CAMK2G: variants seen among roughly 807,000 people sequenced by gnomAD.
CAMK2G encodes the protein calcium/calmodulin dependent protein kinase II gamma, also known as calcium/calmodulin-dependent protein kinase type II subunit gamma.
A neutral mutation model predicts 88.7 loss-of-function variants in CAMK2G; 23 were observed. The observed-to-expected ratio is 0.26, with a 90% CI of 0.19 to 0.37. The LOEUF is 0.37. CAMK2G is among the 10% of genes least tolerant of loss of function. CAMK2G has a pLI of 1.00. For missense variants in CAMK2G, 476 were observed against 780.8 expected (o/e 0.61, Z 4.65); for synonymous variants, 263 against 294.8 (o/e 0.89, Z 1.11).
intron 3 of CAMK2G, among the ~76,000 whole-genome samples, chr10:73,859,587 T>C (rs1274214110): frequency 6.6e-6 from 1 of 152,162 alleles, no homozygotes; most frequent in Non-Finnish European, 1.5e-5. Flanking sequence ...ACCTAGGAGC[T>C]CCAGTAGTTC....
chr10:73,863,344 C>T (rs138378574), intron 2 of CAMK2G, among the ~76,000 whole-genome samples: 241 of 152,320 alleles, frequency 1.6e-3, no homozygotes, highest in Middle Eastern at 0.014. Context: ...GGGATGTGGC[C>T]AGTGACCTCC....
chr10:73,872,664 C>T (rs1454270317), intron 2 of CAMK2G, among the ~76,000 whole-genome samples: 4 of 152,170 alleles, frequency 2.6e-5, no homozygotes, highest in Non-Finnish European at 4.4e-5. Context: ...GGAGAGGCTC[C>T]AAATGCCCCA....
chr10:73,860,417 C>G (rs917527860), intron 3 of CAMK2G, among the ~76,000 whole-genome samples: 4 of 152,078 alleles, frequency 2.6e-5, no homozygotes, highest in Non-Finnish European at 5.9e-5. Context: ...TGCAGGACAC[C>G]GCAGCAGGAA....
At chr10:73,820,973 C>G (rs1269894612) in intron 18 of CAMK2G, among the ~76,000 whole-genome samples, 1 of 151,662 alleles carries the variant, frequency 6.6e-6, no homozygotes, top group South Asian at 2.1e-4. Context: ...CTACGCCCGG[C>G]CTTTTTTTGT....
chr10:73,822,519 T>C (rs2089309496), intron 17 of CAMK2G, among the ~76,000 whole-genome samples: 1 of 152,184 alleles, frequency 6.6e-6, no homozygotes, highest in Non-Finnish European at 1.5e-5. Context: ...AAGTGTCAAC[T>C]AGATTCTGTT....
chr10:73,830,994 C>G (rs1454620450), intron 14 of CAMK2G, among the ~76,000 whole-genome samples: 1 of 152,156 alleles, frequency 6.6e-6, no homozygotes, highest in Non-Finnish European at 1.5e-5. Flanking sequence ...ACCATCTGAG[C>G]TACTTCACAG....
chr10:73,828,158 AAG>A, intron 14 of CAMK2G, 37 bp from the exon 15 acceptor site: 1 of 1,570,764 alleles, frequency 6.4e-7, no homozygotes, highest in South Asian at 1.1e-5. Flanking sequence ...GAGAAGGGGA[AAG>A]AGGAGGTAAG....
Position 73,826,189 on chromosome 10 carries a change from T to C in CAMK2G, c.1087-842A>G, listed in dbSNP as rs1463365303. On this transcript the variant is annotated intron_variant, in intron 15 of 22. Transcript: ENST00000423381. ...GGCTCACACCTGTAATCTCAGCACT[T>C]TGGGAGGCCAAGGCGGGTGGATCAC... Among the ~76,000 whole-genome samples the C allele has an allele frequency of 2.6e-5, 4 of 152,226 alleles. No homozygotes were observed. In the East Asian group the frequency reaches 7.7e-4, roughly 29 times the overall value.
chr10:73,820,921 C>G (rs966970980), intron 18 of CAMK2G, among the ~76,000 whole-genome samples: 3 of 151,792 alleles, frequency 2.0e-5, no homozygotes, highest in African/African-American at 7.3e-5. Flanking sequence ...GTGATCCACC[C>G]ACCTTGGCCT....
At chr10:73,849,435 G>A (rs555673816) in intron 5 of CAMK2G, 102 bp from the exon 6 acceptor site, 18 of 752,168 alleles carry the variant, frequency 2.4e-5, no homozygotes, top group East Asian at 2.4e-4. Context: ...AAGGGGCCAC[G>A]GATTCACAGA....
intron 13 of CAMK2G, 90 bp from the exon 14 acceptor site, chr10:73,837,601 T>C (rs973403151): frequency 2.8e-6 from 3 of 1,064,402 alleles, no homozygotes; most frequent in Non-Finnish European, 4.4e-6. Flanking sequence ...GAGAGTGCTG[T>C]GTCTGACAAG....
intron 2 of CAMK2G, among the ~76,000 whole-genome samples, chr10:73,868,802 G>T (rs897284720): frequency 6.6e-6 from 1 of 152,162 alleles, no homozygotes; most frequent in African/African-American, 2.4e-5. Context: ...CTAAGGGGGC[G>T]GGGACTCTCA....
chr10:73,839,463 G>A lies in CAMK2G; in HGVS notation c.1009+76C>T. ...ATGGGACTCGCCTCCCTGGTGAGTG[G>A]GCCCGGCATGCTGGCCCTCCTGGTG... On this transcript the variant is annotated intron_variant, in intron 13 of 22. Coordinates refer to ENST00000423381, the MANE Select transcript of CAMK2G (RefSeq NM_001367534.1). This position sits in a 1 kb window ranked among gnomAD's most constrained non-coding sequence, Gnocchi z 4.2. The A allele has an allele frequency of 1.2e-6, 1 of 822,820 alleles. No homozygotes were observed. Among genetic ancestry groups the A allele is most frequent in the Non-Finnish European group, 1.6e-6 (1 of 613,706 alleles). The allele number at this position is 822,820 out of a possible 1,614,324, so 51.0% of individuals were successfully genotyped here.
At chr10:73,846,080 G>A (rs1264667742) in intron 10 of CAMK2G, among the ~76,000 whole-genome samples, 1 of 151,860 alleles carries the variant, frequency 6.6e-6, no homozygotes, top group East Asian at 1.9e-4. Flanking sequence ...ACCATGCCTG[G>A]CAATTCATTT....
At chr10:73,860,203 G>A (rs1366728867) in intron 3 of CAMK2G, among the ~76,000 whole-genome samples, 1 of 152,194 alleles carries the variant, frequency 6.6e-6, no homozygotes, top group African/African-American at 2.4e-5. Context: ...GTTGAGGCAG[G>A]CAAACCTCCT....
intron 13 of CAMK2G, among the ~76,000 whole-genome samples, chr10:73,838,802 G>C (rs2093493691): frequency 6.6e-6 from 1 of 152,144 alleles, no homozygotes; most frequent in African/African-American, 2.4e-5. Flanking sequence ...AGGATCACCT[G>C]GGAGCTTAAA....
chr10:73,831,398 T>A (rs989324118), intron 14 of CAMK2G, among the ~76,000 whole-genome samples: 4 of 150,552 alleles, frequency 2.7e-5, no homozygotes, highest in Non-Finnish European at 5.9e-5. Flanking sequence ...ATTAGCTGGG[T>A]GTGGTGGCAC....
intron 2 of CAMK2G, among the ~76,000 whole-genome samples, chr10:73,872,265 G>T (rs1289832916): frequency 1.3e-5 from 2 of 152,224 alleles, no homozygotes; most frequent in Non-Finnish European, 2.9e-5. Flanking sequence ...GGAGGATCTC[G>T]CAAGTGAGGC....
intron 14 of CAMK2G, chr10:73,837,238 T>G: frequency 1.7e-6 from 1 of 580,348 alleles, no homozygotes. Flanking sequence ...AACTATGATT[T>G]GGATCACTTC....
Sources: allele counts gnomAD v4.1 joint callset (sites outside exome capture counted in the v4.1 genomes callset), GRCh38; gene constraint gnomAD v4.1.1; non-coding constraint Gnocchi (gnomAD v3.1); transcripts MANE v1.5; gene names NCBI Gene and HGNC (gene_info 2026-07-23, HGNC 2026-07-21).